The following NAALADL2 variants were observed in gnomAD, a reference collection of about 807,000 sequenced individuals.
NAALADL2 encodes N-acetylated alpha-linked acidic dipeptidase like 2.
NAALADL2 carries 76 observed loss-of-function variants against 87.2 expected under a neutral mutation model. The ratio of observed to expected loss-of-function variants is 0.87; its 90% CI spans 0.72 to 1.05. The LOEUF is 1.05. Ranked by LOEUF, NAALADL2 falls within the 50% of genes least tolerant of loss-of-function variation. The probability of loss-of-function intolerance (pLI) is 0.00; values close to 1 mark genes in which losing one functional copy is unlikely to be tolerated. For missense variants in NAALADL2, 1,089 were observed against 945.8 expected (o/e 1.15, Z -1.99); for synonymous variants, 354 against 331.0 (o/e 1.07, Z -0.75).
chr3:175,274,315 C>T (rs1753273543), intron 4 of NAALADL2, among the ~76,000 whole-genome samples: 1 of 152,176 alleles, frequency 6.6e-6, no homozygotes, highest in South Asian at 2.1e-4. Context: ...CAAGGGCTTC[C>T]TCCCACGACA....
At chr3:174,991,257 GA>G (rs1746703317) in intron 1 of NAALADL2, among the ~76,000 whole-genome samples, 1 of 152,018 alleles carries the variant, frequency 6.6e-6, no homozygotes, top group Non-Finnish European at 1.5e-5. Context: ...GTAAATACAA[GA>G]GACAATTTTC....
intron 3 of NAALADL2, among the ~76,000 whole-genome samples, chr3:174,793,279 A>G (rs1717683514): frequency 6.6e-6 from 1 of 152,172 alleles, no homozygotes; most frequent in South Asian, 2.1e-4. Flanking sequence ...ATATATAAAA[A>G]CTGAATTGAA....
upstream of NAALADL2, among the ~76,000 whole-genome samples, chr3:174,857,673 GTA>G (rs144829365): frequency 1.3e-5 from 2 of 151,496 alleles, no homozygotes. Context: ...AGCATGGTGT[GTA>G]TATATATATA....
intron 5 of NAALADL2, among the ~76,000 whole-genome samples, chr3:175,443,234 T>A (rs1720112462): frequency 6.6e-6 from 1 of 152,182 alleles, no homozygotes; most frequent in African/African-American, 2.4e-5. Flanking sequence ...TCAAAACTAA[T>A]GCAAGTCTAT....
In NAALADL2 at chr3:174,504,387, A is replaced by G. The variant is rs1280615690; in HGVS notation, c.-183-46182A>G. Among the ~76,000 whole-genome samples, 8 of 152,126 alleles carry G rather than the reference A, an allele frequency of 5.3e-5. No individual in the cohort carries two copies. In the East Asian group the frequency reaches 1.3e-3, roughly 26 times the overall value. The stretch of plus-strand genomic sequence containing the variant: ...GGGATATTAAATGGTTTTTCTAGGA[A>G]GTACTTGTTTCTAGTTTGGTATTCA... On this transcript the variant is annotated intron_variant, in intron 1 of 3. Coordinates refer to the NAALADL2 transcript ENST00000434257.
intron 1 of NAALADL2, among the ~76,000 whole-genome samples, chr3:174,470,903 CT>C (rs1200702616): frequency 1.3e-5 from 2 of 152,120 alleles, no homozygotes; most frequent in African/African-American, 4.8e-5. Flanking sequence ...TTAATGCTTC[CT>C]TTTTGTTGGA....
At chr3:175,762,763 G>A (rs191371714) in intron 13 of NAALADL2, among the ~76,000 whole-genome samples, 47 of 152,224 alleles carry the variant, frequency 3.1e-4, no homozygotes, top group Admixed American at 4.6e-4. Context: ...AAGAGTTTGA[G>A]GAGAGACATT....
intron 11 of NAALADL2, among the ~76,000 whole-genome samples, chr3:175,637,217 T>C (rs1364786675): frequency 6.6e-6 from 1 of 152,234 alleles, no homozygotes; most frequent in African/African-American, 2.4e-5. Context: ...CATATTCCAG[T>C]CTGAGATATG....
At chr3:174,578,144 C>CTATG (rs1384614438) in intron 2 of NAALADL2, among the ~76,000 whole-genome samples, 1 of 151,866 alleles carries the variant, frequency 6.6e-6, no homozygotes, top group Non-Finnish European at 1.5e-5. Flanking sequence ...TGGAACAATG[C>CTATG]TATGAGTCTA....
intron 2 of NAALADL2, among the ~76,000 whole-genome samples, chr3:174,561,751 A>G (rs1022082843): frequency 3.3e-4 from 51 of 152,310 alleles, no homozygotes; most frequent in African/African-American, 1.2e-3. Flanking sequence ...ACTGAAGATC[A>G]GTGGTCACAC....
chr3:174,958,795 G>T (rs1461921580), intron 1 of NAALADL2, among the ~76,000 whole-genome samples: 2 of 152,014 alleles, frequency 1.3e-5, no homozygotes, highest in African/African-American at 4.8e-5. Flanking sequence ...TTCAATCAGT[G>T]CGAAGTTGGA....
intron 11 of NAALADL2, among the ~76,000 whole-genome samples, chr3:175,659,978 T>A (rs761211202): frequency 2.6e-5 from 4 of 152,158 alleles, no homozygotes; most frequent in Non-Finnish European, 4.4e-5. Flanking sequence ...CTCACAGTTC[T>A]GAAGCTGGGA....
At chr3:174,857,131 C>T (rs1169494023), upstream of NAALADL2, among the ~76,000 whole-genome samples, 2 of 152,046 alleles carry the variant, frequency 1.3e-5, no homozygotes, top group African/African-American at 4.8e-5. Flanking sequence ...CTGAATTCAA[C>T]AAGAATTTCT....
chr3:175,790,222 T>C (rs912187850), intron 13 of NAALADL2, among the ~76,000 whole-genome samples: 4 of 152,154 alleles, frequency 2.6e-5, no homozygotes, highest in Non-Finnish European at 5.9e-5. Flanking sequence ...TAATCTTCAG[T>C]GAAGCAGGGT....
intron 5 of NAALADL2, among the ~76,000 whole-genome samples, chr3:175,355,022 ATGTGTGTGTGTG>A (rs3067322): frequency 1.8e-4 from 25 of 139,436 alleles, no homozygotes; most frequent in Middle Eastern, 3.6e-3. Flanking sequence ...CTATATATAT[ATGTGTGTGTGTG>A]TGTGTGTGTG....
chr3:175,163,914 A>G (rs1004712235), intron 2 of NAALADL2, among the ~76,000 whole-genome samples: 2 of 152,176 alleles, frequency 1.3e-5, no homozygotes, highest in Non-Finnish European at 2.9e-5. Context: ...GCAATATTCC[A>G]TTGTCAATGA....
At chr3:175,090,551 T>C (rs1191488433) in intron 1 of NAALADL2, among the ~76,000 whole-genome samples, 2 of 145,624 alleles carry the variant, frequency 1.4e-5, no homozygotes, top group South Asian at 2.2e-4. Flanking sequence ...ACGAACTGAC[T>C]GGATTTCACC....
chr3:175,356,722 G>C (rs1052194834), intron 5 of NAALADL2, among the ~76,000 whole-genome samples: 4 of 151,996 alleles, frequency 2.6e-5, no homozygotes, highest in Non-Finnish European at 5.9e-5. Flanking sequence ...CTAGGCACCA[G>C]AGTGCAAGAC....
At chr3:175,757,130 T>C (rs2150138054) in intron 13 of NAALADL2, among the ~76,000 whole-genome samples, 1 of 152,032 alleles carries the variant, frequency 6.6e-6, no homozygotes, top group African/African-American at 2.4e-5. Flanking sequence ...TCCTACTCCA[T>C]TCTTCCCCCA....
Sources: allele counts gnomAD v4.1 joint callset (sites outside exome capture counted in the v4.1 genomes callset), GRCh38; gene constraint gnomAD v4.1.1; transcripts MANE v1.5; gene names NCBI Gene and HGNC (gene_info 2026-07-23, HGNC 2026-07-21).